Variants in PHF21A observed in about 807,000 individuals in gnomAD.
PHF21A encodes PHD finger protein 21A.
In PHF21A, 11 loss-of-function variants were observed where a neutral mutation model predicts 82.5. The observed-to-expected ratio is 0.13, with a 90% CI of 0.08 to 0.22. The LOEUF (loss-of-function observed/expected upper bound fraction) is 0.22, where lower values mean the gene tolerates loss of function less well. Among genes scored for constraint, PHF21A ranks in the 10% least tolerant of loss-of-function variants. The probability of loss-of-function intolerance (pLI) is 1.00; values close to 1 mark genes in which losing one functional copy is unlikely to be tolerated. For missense variants in PHF21A, 579 were observed against 837.8 expected, an observed-to-expected ratio of 0.69 and a Z score of 3.81; for synonymous variants, 297 against 302.8, an observed-to-expected ratio of 0.98 and a Z score of 0.20.
chr11:46,026,821 G>A (rs1051176524), intron 6 of PHF21A: 1 of 152,142 alleles, frequency 6.6e-6, no homozygotes, highest in Non-Finnish European at 1.5e-5. Flanking sequence ...CCACTCAGCA[G>A]AGCCAGCATC....
chr11:45,979,982 A>G lies in PHF21A; in HGVS notation c.154-16T>C, dbSNP rs34978138. The G allele has an allele frequency of 1.5e-5, 24 of 1,613,740 alleles. No homozygotes were observed. The highest frequency in any genetic ancestry group is 1.9e-5 in the Non-Finnish European group (22 of 1,179,876). ...CTACTCTTTTCTACCAAATGAAGAC[A>G]AAAAGAAATAAAAGATATTAGAATA... On this transcript the variant is annotated splice_polypyrimidine_tract_variant and intron_variant, in intron 6 of 18. Coordinates refer to ENST00000676320, the MANE Select transcript of PHF21A (RefSeq NM_001352027.3).
intron 15 of PHF21A, among the ~76,000 whole-genome samples, chr11:45,944,041 A>G (rs115272611): frequency 1.2e-3 from 176 of 152,360 alleles, no homozygotes; most frequent in African/African-American, 4.0e-3. Flanking sequence ...AACAGACAAT[A>G]TCATGACAAT....
intron 6 of PHF21A, among the ~76,000 whole-genome samples, chr11:45,983,162 C>T (rs2094366030): frequency 6.6e-6 from 1 of 152,066 alleles, no homozygotes; most frequent in South Asian, 2.1e-4. Context: ...GAATCAGGAG[C>T]GTGGGAGTCA....
chr11:46,058,543 A>G (rs977723415), intron 6 of PHF21A, among the ~76,000 whole-genome samples: 1 of 152,236 alleles, frequency 6.6e-6, no homozygotes, highest in African/African-American at 2.4e-5. Flanking sequence ...ACTTTTCATT[A>G]GATTCAAGGT....
intron 6 of PHF21A, among the ~76,000 whole-genome samples, chr11:46,017,703 T>C (rs2095544289): frequency 6.6e-6 from 1 of 152,138 alleles, no homozygotes; most frequent in Non-Finnish European, 1.5e-5. Flanking sequence ...ATTACATAAA[T>C]CAAATGCAAA....
intron 6 of PHF21A, among the ~76,000 whole-genome samples, chr11:45,995,356 C>A (rs1373114004): frequency 1.3e-5 from 2 of 152,158 alleles, no homozygotes; most frequent in African/African-American, 4.8e-5. Flanking sequence ...CTCTTGGTGG[C>A]TGAAGGTGCT....
chr11:46,032,202 T>C (rs1334743464), intron 6 of PHF21A, among the ~76,000 whole-genome samples: 1 of 152,158 alleles, frequency 6.6e-6, no homozygotes, highest in African/African-American at 2.4e-5. Context: ...AAAGCGAAAA[T>C]ATCATTATAT....
chr11:46,021,949 C>T (rs1486020096), intron 6 of PHF21A, among the ~76,000 whole-genome samples: 1 of 152,084 alleles, frequency 6.6e-6, no homozygotes, highest in African/African-American at 2.4e-5. Context: ...ACAGAAAATA[C>T]AGGCATTGCA....
chr11:46,095,695 C>G (rs950837689), intron 1 of PHF21A, among the ~76,000 whole-genome samples: 1 of 151,770 alleles, frequency 6.6e-6, no homozygotes, highest in Admixed American at 6.6e-5. Flanking sequence ...TATTTAAATA[C>G]CTTTTGTAAA....
rs186848536 is a variant in PHF21A at position 46,022,451 on chromosome 11, T to C, written c.154-42485A>G. On this transcript the variant is annotated intron_variant, in intron 6 of 18. Transcript: ENST00000676320. The stretch of plus-strand genomic sequence containing the variant: ...GCCTGGGCAACAAAGTGAGACCCTG[T>C]CTCTTAAAAAAAAAGAAAAAGAAAC... 1.5e-3 allele frequency among the ~76,000 whole-genome samples: 223 copies of C among 152,040 alleles called. 1 individual carries two copies. Among genetic ancestry groups the C allele is most frequent in the African/African-American group, 5.1e-3 (213 of 41,486 alleles).
In PHF21A at chr11:45,979,981, C is replaced by CA. The variant is rs749413512; in HGVS notation, c.154-16dup. The stretch of plus-strand genomic sequence containing the variant: ...ACTACTCTTTTCTACCAAATGAAGA[C>CA]AAAAAGAAATAAAAGATATTAGAAT... On this transcript the variant is annotated splice_polypyrimidine_tract_variant and intron_variant, in intron 6 of 18. Transcript: ENST00000676320. 9.9e-6 allele frequency: 16 copies of CA among 1,613,674 alleles called. No homozygotes were observed. The African/African-American group carries it at 1.9e-4, about 19-fold the overall frequency.
chr11:46,085,333 A>G (rs1208824714), intron 3 of PHF21A, among the ~76,000 whole-genome samples: 3 of 152,140 alleles, frequency 2.0e-5, no homozygotes, highest in African/African-American at 7.2e-5. Context: ...TTGACTATAC[A>G]TATAATGGCA....
chr11:45,998,405 T>C (rs558521271), intron 6 of PHF21A, among the ~76,000 whole-genome samples: 2 of 152,330 alleles, frequency 1.3e-5, no homozygotes, highest in African/African-American at 4.8e-5. Flanking sequence ...CTACTGAGTA[T>C]ATAGTATTGT....
chr11:46,024,611 C>T (rs1325789714), intron 6 of PHF21A, among the ~76,000 whole-genome samples: 2 of 152,168 alleles, frequency 1.3e-5, no homozygotes, highest in East Asian at 1.9e-4. Context: ...ACCAGCCTGA[C>T]CACAATGGTG....
intron 6 of PHF21A, among the ~76,000 whole-genome samples, chr11:46,058,294 G>A (rs1358813037): frequency 6.6e-6 from 1 of 152,190 alleles, no homozygotes; most frequent in Non-Finnish European, 1.5e-5. Flanking sequence ...AAACATTATA[G>A]ATGTTTCCTT....
At chr11:45,955,963 G>C (rs940513462) in intron 10 of PHF21A, among the ~76,000 whole-genome samples, 4 of 152,234 alleles carry the variant, frequency 2.6e-5, no homozygotes, top group African/African-American at 9.7e-5. Flanking sequence ...CTGTAAACTT[G>C]TGAAGGACTA....
intron 6 of PHF21A, among the ~76,000 whole-genome samples, chr11:46,026,489 C>G (rs1317307136): frequency 6.6e-6 from 1 of 151,994 alleles, no homozygotes; most frequent in African/African-American, 2.4e-5. Context: ...TAAAATAAAC[C>G]TAAGGGAGAG....
intron 6 of PHF21A, among the ~76,000 whole-genome samples, chr11:45,986,743 C>T (rs2094502894): frequency 6.6e-6 from 1 of 152,102 alleles, no homozygotes; most frequent in Admixed American, 6.5e-5. Context: ...GGGATAGTAA[C>T]TAATGAATGA....
chr11:45,956,990 T>C (rs1332496520), intron 10 of PHF21A, among the ~76,000 whole-genome samples: 6 of 152,134 alleles, frequency 3.9e-5, no homozygotes, highest in Admixed American at 2.0e-4. Context: ...TATAGTACTA[T>C]TAGACAAAAG....
Sources: allele counts gnomAD v4.1 joint callset (sites outside exome capture counted in the v4.1 genomes callset), GRCh38; gene constraint gnomAD v4.1.1; transcripts MANE v1.5; gene names NCBI Gene and HGNC (gene_info 2026-07-23, HGNC 2026-07-21).